The following COLEC11 variants were observed in gnomAD, a reference collection of about 807,000 sequenced individuals.
The protein encoded by COLEC11 is collectin subfamily member 11.
Under a neutral mutation model 27.3 loss-of-function variants are expected in COLEC11, and 20 were observed. That is an observed-to-expected ratio of 0.73 (90% CI 0.51 to 1.06). The LOEUF is 1.06. Among genes scored for constraint, COLEC11 ranks in the 50% least tolerant of loss-of-function variants. The probability of loss-of-function intolerance (pLI) is 0.00; values close to 1 mark genes in which losing one functional copy is unlikely to be tolerated. For synonymous variants in COLEC11, 163 were observed against 154.7 expected, an observed-to-expected ratio of 1.05 and a Z score of -0.40; for missense variants, 310 against 383.0, an observed-to-expected ratio of 0.81 and a Z score of 1.59.
At chr2:3,608,052 G>A (rs1203085082) in intron 2 of COLEC11, among the ~76,000 whole-genome samples, 1 of 152,204 alleles carries the variant, frequency 6.6e-6, no homozygotes, top group Non-Finnish European at 1.5e-5. Flanking sequence ...CACTGTCCAC[G>A]GATCTTCCTC....
chr2:3,642,381 T>C (rs1469165063), intron 5 of COLEC11, among the ~76,000 whole-genome samples: 1 of 152,134 alleles, frequency 6.6e-6, no homozygotes, highest in Non-Finnish European at 1.5e-5. Flanking sequence ...GAAAGGCCTG[T>C]GAGGTGTTCC....
rs137940027 is a variant in COLEC11 at position 3,626,046 on chromosome 2, C to A, written c.203-11487C>A. ...AGCCAGTCGTGACAGCTTCTGACAT[C>A]TCCAAAAGGAAGTGCACCTCGTCCT... On this transcript the variant is annotated intron_variant, in intron 3 of 6. Coordinates refer to ENST00000349077, the MANE Select transcript of COLEC11 (RefSeq NM_024027.5). The A allele has an allele frequency of 4.3e-6, 7 of 1,614,064 alleles. No homozygotes were observed. In the African/African-American group the frequency reaches 9.3e-5, roughly 22 times the overall value.
intron 3 of COLEC11, among the ~76,000 whole-genome samples, chr2:3,618,277 A>G (rs1663929979): frequency 6.6e-6 from 1 of 152,226 alleles, no homozygotes; most frequent in South Asian, 2.1e-4. Flanking sequence ...GCCAAGACCA[A>G]TGTCAAGGAA....
chr2:3,626,518 G>A (rs1558507623), intron 3 of COLEC11, among the ~76,000 whole-genome samples: 1 of 152,186 alleles, frequency 6.6e-6, no homozygotes. Context: ...GTTGCCTGGT[G>A]CCTGGTGGCC....
At chr2:3,615,278 AC>A (rs969483774) in intron 3 of COLEC11, among the ~76,000 whole-genome samples, 31 of 152,310 alleles carry the variant, frequency 2.0e-4, no homozygotes, top group Non-Finnish European at 2.4e-4. Flanking sequence ...TAGGCAGAGG[AC>A]CCTGCGGCCA....
At chr2:3,608,883 T>C (rs1386644440) in intron 2 of COLEC11, among the ~76,000 whole-genome samples, 1 of 152,220 alleles carries the variant, frequency 6.6e-6, no homozygotes, top group Non-Finnish European at 1.5e-5. Context: ...TAAAATACTT[T>C]TTCTCGTGAC....
Position 3,644,349 on chromosome 2 carries a change from G to A in COLEC11, c.*231G>A. ...GCAGAGTTTCATTACCTGTATTGTA[G>A]CCCCAATGTCATTATGTAATTATTA... On this transcript the variant is annotated 3_prime_UTR_variant, in exon 7 of 7. Transcript: ENST00000349077. 1.4e-6 allele frequency: 1 copy of A among 690,520 alleles called. No homozygotes were observed. Among genetic ancestry groups the A allele is most frequent in the South Asian group, 1.5e-5 (1 of 66,630 alleles). The allele number at this position is 690,520 out of a possible 1,614,324, so 42.8% of individuals were successfully genotyped here.
chr2:3,598,815 G>C (rs944410298), intron 1 of COLEC11, among the ~76,000 whole-genome samples: 1 of 151,686 alleles, frequency 6.6e-6, no homozygotes, highest in Admixed American at 6.5e-5. Context: ...TGGTGGTGGA[G>C]TTGGGGCCGA....
intron 1 of COLEC11, among the ~76,000 whole-genome samples, chr2:3,600,234 CAAA>C (rs35252259): frequency 9.9e-5 from 8 of 80,652 alleles, no homozygotes; most frequent in Non-Finnish European, 7.3e-5. Flanking sequence ...GACTCTGTCT[CAAA>C]AAAAAAAAAA....
intron 5 of COLEC11, among the ~76,000 whole-genome samples, 195 bp from the exon 6 acceptor site, chr2:3,643,245 GCCCT>G (rs1666000189): frequency 6.6e-6 from 1 of 152,128 alleles, no homozygotes; most frequent in Non-Finnish European, 1.5e-5. Flanking sequence ...ACATGTGTCT[GCCCT>G]CCCTCCACTC....
At chr2:3,641,767 G>A (rs1019295935) in intron 5 of COLEC11, among the ~76,000 whole-genome samples, 1 of 152,202 alleles carries the variant, frequency 6.6e-6, no homozygotes, top group Non-Finnish European at 1.5e-5. Context: ...TGGGCTCTAC[G>A]TGATTGCCGA....
chr2:3,633,369 A>G (rs1007257562), intron 3 of COLEC11, among the ~76,000 whole-genome samples: 7 of 152,234 alleles, frequency 4.6e-5, no homozygotes, highest in Non-Finnish European at 7.3e-5. Context: ...AGTTGAGAGC[A>G]TTTGGCCTTT....
At chr2:3,617,874 T>C (rs1663892853) in intron 3 of COLEC11, 3 of 560,554 alleles carry the variant, frequency 5.4e-6, no homozygotes, top group Non-Finnish European at 9.7e-6. Context: ...GACTTTTTGA[T>C]ACCAGCCATC....
intron 2 of COLEC11, chr2:3,605,012 A>T (rs1662531833): frequency 4.3e-6 from 2 of 470,032 alleles, no homozygotes; most frequent in Non-Finnish European, 8.8e-6. Flanking sequence ...CCGGATAGAG[A>T]TAGTTCTGCA....
intron 4 of COLEC11, 71 bp downstream of exon 4, chr2:3,637,675 A>T (rs933856079): frequency 3.3e-6 from 4 of 1,195,100 alleles, no homozygotes; most frequent in Non-Finnish European, 5.0e-6. Flanking sequence ...CCCTGAGAAT[A>T]ATTGTAGCCT....
chr2:3,638,977 TC>T (rs1665648288), intron 4 of COLEC11, among the ~76,000 whole-genome samples: 1 of 152,090 alleles, frequency 6.6e-6, no homozygotes, highest in Non-Finnish European at 1.5e-5. Context: ...CCATTCCTCC[TC>T]CCCCAGCCCC....
At chr2:3,638,410 C>T (rs771136723) in intron 4 of COLEC11, among the ~76,000 whole-genome samples, 2 of 152,292 alleles carry the variant, frequency 1.3e-5, no homozygotes, top group African/African-American at 2.4e-5. Flanking sequence ...GGGTCCCGCA[C>T]AGTGTAGCAA....
rs35128729 is a variant in COLEC11 at position 3,615,108 on chromosome 2, C to CTT, written c.202+1735_202+1736dup. 9.2e-3 allele frequency among the ~76,000 whole-genome samples: 1,341 copies of CTT among 146,512 alleles called. 10 individuals carry two copies. The highest frequency in any genetic ancestry group is 0.024 in the African/African-American group (923 of 37,868). ...GAATCCACTGAGAAATATTTTCTTTCTTTTTTTTTTAAAGGGATTTTATTT... is the reference window on the plus strand; with the variant it reads ...GAATCCACTGAGAAATATTTTCTTTCTTTTTTTTTTTTAAAGGGATTTTATTT... On this transcript the variant is annotated intron_variant, in intron 3 of 6. Coordinates refer to ENST00000349077, the MANE Select transcript of COLEC11 (RefSeq NM_024027.5).
chr2:3,641,369 C>T (rs1308869693), intron 5 of COLEC11: 9 of 1,301,782 alleles, frequency 6.9e-6, no homozygotes, highest in African/African-American at 1.5e-5. Context: ...CTCAGGGCAC[C>T]TCCAGGCACT....
Sources: gnomAD v4.1 joint callset for allele counts (sites outside exome capture counted in the v4.1 genomes callset) on GRCh38, gnomAD v4.1.1 for gene constraint, MANE v1.5 for transcripts, NCBI Gene and HGNC (gene_info 2026-07-23, HGNC 2026-07-21) for gene names.